The following USP34 variants were observed in gnomAD, a reference collection of about 807,000 sequenced individuals.
USP34 encodes ubiquitin carboxyl-terminal hydrolase 34.
In USP34, 70 loss-of-function variants were observed where a neutral mutation model predicts 460.3. That is an observed-to-expected ratio of 0.15 (90% CI 0.13 to 0.19). USP34 has a LOEUF of 0.19. USP34 is among the 10% of genes least tolerant of loss of function. The pLI, the probability that USP34 is intolerant of heterozygous loss-of-function variation, is 1.00. For synonymous variants in USP34, 1,647 were observed against 1,405.3 expected, an observed-to-expected ratio of 1.17 and a Z score of -3.85; for missense variants, 3,985 against 4,236.2, an observed-to-expected ratio of 0.94 and a Z score of 1.65.
intron 49 of USP34, among the ~76,000 whole-genome samples, chr2:61,247,821 G>A (rs866029714): frequency 6.6e-6 from 1 of 152,080 alleles, no homozygotes. Flanking sequence ...TTGAGACAGA[G>A]TCTCGCTCTG....
chr2:61,298,991 AT>A (rs1436544681), intron 29 of USP34, among the ~76,000 whole-genome samples: 1 of 152,116 alleles, frequency 6.6e-6, no homozygotes, highest in Non-Finnish European at 1.5e-5. Context: ...CCTTCTGCAA[AT>A]TTTTGTCCCC....
chr2:61,470,713 C>CA lies in USP34; in HGVS notation c.-22_-21insT. ...CACATCGTTCGGCCGCCGCCCCCCC[C>CA]CTCCCCCGCTTCGGATCACACTGAC... is the stretch of plus-strand genomic sequence containing the variant. On this transcript the variant is annotated 5_prime_UTR_variant, in exon 1 of 80. Transcript: ENST00000398571. 6.3e-7 allele frequency: 1 copy of CA among 1,588,332 alleles called. No homozygotes were observed. The highest frequency in any genetic ancestry group is 2.4e-5 in the East Asian group (1 of 42,096).
At position 61,300,865 on chromosome 2, in the gene USP34, G is replaced by A. The variant is rs997869862; in HGVS notation, c.4128+86C>T. 3.6e-5 allele frequency: 32 copies of A among 878,298 alleles called. 1 individual carries two copies. Among genetic ancestry groups the A allele is most frequent in the African/African-American group, 1.7e-4 (10 of 57,338 alleles). 54.4% of individuals were successfully genotyped at this position (878,298 alleles called of 1,614,324 possible). A position where few individuals can be genotyped will look rare whatever the true frequency, so the allele number is the denominator to read the frequency against. ...AGAAAATTATTATATACTTTATAAC[G>A]TTTTATAAACTATACTTTTATTAAA... On this transcript the variant is annotated intron_variant, in intron 29 of 79. Coordinates refer to ENST00000398571, the MANE Select transcript of USP34 (RefSeq NM_014709.4).
intron 5 of USP34, among the ~76,000 whole-genome samples, chr2:61,387,179 G>C (rs1693173422): frequency 6.6e-6 from 1 of 152,064 alleles, no homozygotes; most frequent in South Asian, 2.1e-4. Context: ...ATATATAACA[G>C]GCCAGGTGCA....
chr2:61,373,960 G>A (rs1165678380), intron 8 of USP34, among the ~76,000 whole-genome samples: 1 of 152,064 alleles, frequency 6.6e-6, no homozygotes, highest in Non-Finnish European at 1.5e-5. Context: ...CTTAAGACCA[G>A]CCCGACCAAC....
At chr2:61,424,867 T>C (rs1214824668) in intron 1 of USP34, among the ~76,000 whole-genome samples, 1 of 152,162 alleles carries the variant, frequency 6.6e-6, no homozygotes, top group Admixed American at 6.5e-5. Context: ...TCTCACTCTG[T>C]CCGCCAGGGT....
chr2:61,201,978 G>A (rs989158879), intron 75 of USP34, among the ~76,000 whole-genome samples: 5 of 151,998 alleles, frequency 3.3e-5, no homozygotes, highest in Non-Finnish European at 5.9e-5. Context: ...ATCCTGAAAC[G>A]GCCAATCTGA....
chr2:61,352,179 G>C (rs1434605712), intron 10 of USP34, among the ~76,000 whole-genome samples: 1 of 152,042 alleles, frequency 6.6e-6, no homozygotes, highest in Non-Finnish European at 1.5e-5. Flanking sequence ...AAACTTTGTA[G>C]CAGTTCAAAT....
chr2:61,260,014 A>G (rs1688832083), intron 43 of USP34, among the ~76,000 whole-genome samples: 2 of 152,250 alleles, frequency 1.3e-5, no homozygotes, highest in African/African-American at 4.8e-5. Flanking sequence ...AATTTTAAAA[A>G]TCACTTTCTA....
chr2:61,236,450 AT>A, intron 53 of USP34, 61 bp from the exon 54 acceptor site: 1 of 1,252,372 alleles, frequency 8.0e-7, no homozygotes, highest in Non-Finnish European at 1.1e-6. Context: ...TTTTACCAAT[AT>A]TTTTATTAGA....
chr2:61,261,442 T>A (rs559684054), intron 43 of USP34, among the ~76,000 whole-genome samples: 7 of 152,258 alleles, frequency 4.6e-5, no homozygotes, highest in African/African-American at 1.4e-4. Flanking sequence ...TTATATGAGG[T>A]ACCTGAAACA....
At chr2:61,336,875 T>C (rs1691436371) in intron 18 of USP34, among the ~76,000 whole-genome samples, 1 of 151,750 alleles carries the variant, frequency 6.6e-6, no homozygotes, top group Non-Finnish European at 1.5e-5. Context: ...AACTGCATTG[T>C]AGAGATTACA....
At chr2:61,322,364 A>G (rs1266496659) in intron 21 of USP34, among the ~76,000 whole-genome samples, 1 of 152,234 alleles carries the variant, frequency 6.6e-6, no homozygotes, top group Non-Finnish European at 1.5e-5. Flanking sequence ...TAATGAGAGA[A>G]AATCTGTACT....
intron 10 of USP34, among the ~76,000 whole-genome samples, chr2:61,366,266 G>C (rs1426094037): frequency 6.6e-6 from 1 of 152,188 alleles, no homozygotes; most frequent in South Asian, 2.1e-4. Context: ...GAAAGTTGTA[G>C]CTCAGAGTAA....
At chr2:61,378,325 A>C (rs1238134528) in intron 8 of USP34, 38 bp downstream of exon 8, 1 of 1,394,380 alleles carries the variant, frequency 7.2e-7, no homozygotes, top group East Asian at 2.4e-5. Flanking sequence ...TGTACATTAA[A>C]ATGGTATACT....
At chr2:61,383,456 G>A in intron 5 of USP34, 120 bp from the exon 6 acceptor site, 2 of 613,340 alleles carry the variant, frequency 3.3e-6, no homozygotes, top group East Asian at 3.2e-5. Flanking sequence ...TGTAATCCCA[G>A]CACTTTGGGA....
chr2:61,405,097 G>A (rs147140849), intron 3 of USP34, among the ~76,000 whole-genome samples: 1,594 of 151,706 alleles, frequency 0.011, 24 homozygotes, highest in African/African-American at 0.035. Context: ...GCCAGGTGTG[G>A]TGGCAGGCAC....
intron 2 of USP34, chr2:61,417,470 A>G (rs1158466615): frequency 3.5e-6 from 1 of 289,222 alleles, no homozygotes; most frequent in Non-Finnish European, 6.8e-6. Flanking sequence ...TTGATCACAC[A>G]GAGACTGACC....
At chr2:61,229,478 A>AAAC (rs1687828557) in intron 59 of USP34, 70 bp downstream of exon 59, 8 of 792,222 alleles carry the variant, frequency 1.0e-5, no homozygotes, top group East Asian at 1.0e-4. Flanking sequence ...AAAAAAAACA[A>AAAC]AAAAAAAAAA....
Sources: allele counts gnomAD v4.1 joint callset (sites outside exome capture counted in the v4.1 genomes callset), GRCh38; gene constraint gnomAD v4.1.1; transcripts MANE v1.5; gene names NCBI Gene and HGNC (gene_info 2026-07-23, HGNC 2026-07-21).